Variants in AZI2 observed in about 807,000 individuals in gnomAD.
The protein encoded by AZI2 is 5-azacytidine-induced protein 2.
Under a neutral mutation model 45.8 loss-of-function variants are expected in AZI2, and 22 were observed. That is an observed-to-expected ratio of 0.48 (90% CI 0.34 to 0.69). AZI2 has a LOEUF of 0.69. AZI2 is among the 30% of genes least tolerant of loss of function. The pLI, the probability that AZI2 is intolerant of heterozygous loss-of-function variation, is 0.01. For missense variants in AZI2, 417 were observed against 441.5 expected, an observed-to-expected ratio of 0.94 and a Z score of 0.50; for synonymous variants, 137 against 156.7, an observed-to-expected ratio of 0.87 and a Z score of 0.94.
At chr3:28,333,992 T>C (rs985853571) in intron 5 of AZI2, among the ~76,000 whole-genome samples, 1 of 151,284 alleles carries the variant, frequency 6.6e-6, no homozygotes, top group Non-Finnish European at 1.5e-5. Flanking sequence ...GGCCCTAGAG[T>C]CTGTATTTCT....
At position 28,324,128 on chromosome 3, in the gene AZI2, T is replaced by C; in HGVS notation, c.1093A>G (p.Thr365Ala). The C allele has an allele frequency of 1.2e-6, 2 of 1,610,502 alleles. No homozygotes were observed. The highest frequency in any genetic ancestry group is 2.2e-5 in the East Asian group (1 of 44,778). ...GGTAAAGGCAAAGTTTTAGTTTTAG[T>C]TTCCCCAAATGCTGTCTCACTTGAT... ...PKSSETAFGE[T>A]KTKTLPLPNL... Residue 365 changes from threonine to alanine, a missense_variant, in exon 8 of 8, where the codon ACT (threonine) becomes GCT (alanine). Thr to Ala is a moderately conservative substitution (Grantham distance 58). Transcript: ENST00000479665.
At position 28,321,535 on chromosome 3, in the gene AZI2, A is replaced by T. The variant is rs1207563008; in HGVS notation, c.*2507T>A. On this transcript the variant is annotated 3_prime_UTR_variant, in exon 8 of 8. Coordinates refer to ENST00000479665, the MANE Select transcript of AZI2 (RefSeq NM_022461.5). ...ATACTGAAGATTTTTTTCACCTGGT[A>T]CATCTGTCTCAGTTGTGTCTTGCTT... The T allele has an allele frequency of 1.3e-5, 2 of 151,348 alleles. No individual in the cohort carries two copies. The highest frequency in any genetic ancestry group is 3.0e-5 in the Non-Finnish European group (2 of 67,556). The allele number at this position is 151,348 out of a possible 1,614,324, so 9.4% of individuals were successfully genotyped here.
At chr3:28,331,211 ATAT>A (rs1703557747) in intron 6 of AZI2, among the ~76,000 whole-genome samples, 1 of 151,362 alleles carries the variant, frequency 6.6e-6, no homozygotes, top group Non-Finnish European at 1.5e-5. Context: ...TCTTTTGATG[ATAT>A]TATTCATTCT....
chr3:28,328,263 G>GA (rs1703453740), intron 6 of AZI2, among the ~76,000 whole-genome samples: 1 of 151,038 alleles, frequency 6.6e-6, no homozygotes, highest in African/African-American at 2.4e-5. Flanking sequence ...TTGCTACAAT[G>GA]AATGTTTCAC....
rs896886973 is a variant in AZI2 at position 28,340,252 on chromosome 3, T to C, written c.216+150A>G. 7 of 596,930 alleles carry C rather than the reference T, an allele frequency of 1.2e-5. No homozygotes were observed. The African/African-American group carries it at 1.3e-4, about 11-fold the overall frequency. 37.0% of individuals were successfully genotyped at this position (596,930 alleles called of 1,614,324 possible). ...CATGGTATGTGAAACACAGGATAAG[T>C]ATAATGCCCAGAGTTTTCAGATTAG... On this transcript the variant is annotated intron_variant, in intron 2 of 7. Transcript: ENST00000479665.
At chr3:28,327,253 A>G (rs939460089) in intron 6 of AZI2, among the ~76,000 whole-genome samples, 5 of 151,094 alleles carry the variant, frequency 3.3e-5, no homozygotes, top group African/African-American at 4.8e-5. Flanking sequence ...TTTAGGCTGT[A>G]ATGTGCAGCT....
At chr3:28,333,983 G>A (rs1703691133) in intron 5 of AZI2, among the ~76,000 whole-genome samples, 1 of 150,692 alleles carries the variant, frequency 6.6e-6, no homozygotes, top group Admixed American at 6.7e-5. Context: ...TACTTCTTTG[G>A]CCCTAGAGTC....
Position 28,326,017 on chromosome 3 carries a change from T to C in AZI2, c.766+815A>G, listed in dbSNP as rs1298916969. Reference sequence around the variant, plus strand: ...TCCTCTTGTGTCCTCTTTAAGACAATGTGAAATATAAATAAGTAATTTTAA... The same window carrying C: ...TCCTCTTGTGTCCTCTTTAAGACAACGTGAAATATAAATAAGTAATTTTAA... On this transcript the variant is annotated intron_variant, in intron 7 of 7. Transcript: ENST00000479665. 2.6e-5 allele frequency among the ~76,000 whole-genome samples: 4 copies of C among 151,086 alleles called. No individual in the cohort carries two copies. The Admixed American group carries it at 2.7e-4, about 10-fold the overall frequency.
At chr3:28,337,173 A>AT in intron 4 of AZI2, 1 of 273,134 alleles carries the variant, frequency 3.7e-6, no homozygotes, top group Non-Finnish European at 6.9e-6. Flanking sequence ...TAAAACAGTG[A>AT]TAAAAATAAT....
chr3:28,329,083 T>G (rs946921921), intron 6 of AZI2, among the ~76,000 whole-genome samples: 1 of 151,282 alleles, frequency 6.6e-6, no homozygotes, highest in African/African-American at 2.4e-5. Flanking sequence ...TAGTTGTCTA[T>G]AAAGAACTTA....
At chr3:28,324,579 C>G (rs1314275006) in intron 7 of AZI2, 125 bp from the exon 8 acceptor site, 4 of 818,744 alleles carry the variant, frequency 4.9e-6, no homozygotes, top group Non-Finnish European at 6.9e-6. Context: ...TTAGTGTGAT[C>G]ATTGAGGCAC....
rs1437454491 is a variant in AZI2, at chr3:28,348,657, T to G, written c.-62A>C. 6.5e-6 allele frequency: 1 copy of G among 152,826 alleles called. No individual in the cohort carries two copies. The highest frequency in any genetic ancestry group is 1.5e-5 in the Non-Finnish European group (1 of 68,204). The allele number at this position is 152,826 out of a possible 1,614,324, so 9.5% of individuals were successfully genotyped here. A position where few individuals can be genotyped will look rare whatever the true frequency, so the allele number is the denominator to read the frequency against. On this transcript the variant is annotated 5_prime_UTR_variant, in exon 1 of 8. Transcript: ENST00000479665. ...AGGCCGCCGAGTTTCGATTCCTTAG[T>G]GTTTGGAAACGGACCGAAAACAAAC...
intron 6 of AZI2, 74 bp downstream of exon 6, chr3:28,332,295 A>C (rs1703610842): frequency 7.5e-7 from 1 of 1,329,778 alleles, no homozygotes; most frequent in South Asian, 1.3e-5. Flanking sequence ...GTCATAAAAG[A>C]AATCTAAGGA....
chr3:28,321,410 A>G lies in AZI2; in HGVS notation c.*2632T>C, dbSNP rs1288770011. Reference sequence around the variant, plus strand: ...CTTATGTACATGTTGCTTTCCCCATAGAAGCCAGATTAGATTACACAGTAT... The same window carrying G: ...CTTATGTACATGTTGCTTTCCCCATGGAAGCCAGATTAGATTACACAGTAT... On this transcript the variant is annotated 3_prime_UTR_variant, in exon 8 of 8. Coordinates refer to ENST00000479665, the MANE Select transcript of AZI2 (RefSeq NM_022461.5). 1 of 151,460 alleles carries G rather than the reference A, an allele frequency of 6.6e-6. No homozygotes were observed. Among genetic ancestry groups the G allele is most frequent in the African/African-American group, 2.4e-5 (1 of 41,354 alleles). 9.4% of individuals were successfully genotyped at this position (151,460 alleles called of 1,614,324 possible).
intron 3 of AZI2, 27 bp from the exon 4 acceptor site, chr3:28,338,063 T>A: frequency 7.5e-7 from 1 of 1,330,348 alleles, no homozygotes; most frequent in Non-Finnish European, 1.0e-6. Context: ...AATGCCAAAT[T>A]ACATTCAATA....
chr3:28,334,652 C>T (rs1037983953), intron 5 of AZI2, among the ~76,000 whole-genome samples: 2 of 151,932 alleles, frequency 1.3e-5, no homozygotes, highest in African/African-American at 4.8e-5. Flanking sequence ...GTGATTTCTT[C>T]TACCTCTAAA....
At chr3:28,325,788 T>TATA (rs1703365882) in intron 7 of AZI2, among the ~76,000 whole-genome samples, 1 of 151,064 alleles carries the variant, frequency 6.6e-6, no homozygotes, top group African/African-American at 2.4e-5. Flanking sequence ...TGGTCTCATA[T>TATA]ATAACTCTGA....
intron 1 of AZI2, among the ~76,000 whole-genome samples, chr3:28,342,646 C>T (rs1478107113): frequency 1.3e-5 from 2 of 151,704 alleles, no homozygotes; most frequent in African/African-American, 4.8e-5. Flanking sequence ...AATAAAAGTG[C>T]AGGTTATTCT....
At chr3:28,335,024 A>C (rs979972603) in intron 5 of AZI2, among the ~76,000 whole-genome samples, 4 of 151,006 alleles carry the variant, frequency 2.6e-5, no homozygotes, top group African/African-American at 9.9e-5. Context: ...TGGGCCAAAG[A>C]AGTAAAAGAG....
Sources: allele counts gnomAD v4.1 joint callset (sites outside exome capture counted in the v4.1 genomes callset), GRCh38; gene constraint gnomAD v4.1.1; transcripts MANE v1.5; gene names NCBI Gene and HGNC (gene_info 2026-07-23, HGNC 2026-07-21).